MBNL2: variants seen among roughly 807,000 people sequenced by gnomAD.
The protein encoded by MBNL2 is muscleblind-like protein 2.
Under a neutral mutation model 41.9 loss-of-function variants are expected in MBNL2, and 17 were observed. The ratio of observed to expected loss-of-function variants is 0.41; its 90% CI spans 0.28 to 0.61. The LOEUF is 0.61. MBNL2 is among the 20% of genes least tolerant of loss of function. The pLI, the probability that MBNL2 is intolerant of heterozygous loss-of-function variation, is 0.35. For missense variants in MBNL2, 336 were observed against 505.6 expected (o/e 0.66, Z 3.22); for synonymous variants, 195 against 182.9 (o/e 1.07, Z -0.53).
the MBNL2 span, among the ~76,000 whole-genome samples, chr13:97,197,710 T>A: frequency 6.6e-6 from 1 of 152,230 alleles, no homozygotes; most frequent in Non-Finnish European, 1.5e-5. Flanking sequence ...ATTCCTCTAA[T>A]TTTTATTTTC....
At chr13:97,367,537 C>T (rs2063954646) in intron 8 of MBNL2, among the ~76,000 whole-genome samples, 1 of 152,184 alleles carries the variant, frequency 6.6e-6, no homozygotes, top group Non-Finnish European at 1.5e-5. Context: ...CAGTCCCAAC[C>T]CGCATTCTGC....
chr13:97,334,231 G>T lies in MBNL2; in HGVS notation c.175-45G>T, dbSNP rs111635701. 1.6e-5 allele frequency: 25 copies of T among 1,516,542 alleles called. 1 individual carries two copies. The Admixed American group carries it at 2.1e-4, about 13-fold the overall frequency. 93.9% of individuals were successfully genotyped at this position (1,516,542 alleles called of 1,614,324 possible). On this transcript the variant is annotated intron_variant, in intron 2 of 8. Transcript: ENST00000679496. This position sits in a 1 kb window ranked among gnomAD's most constrained non-coding sequence, Gnocchi z 5.3. ...TTGTTCAGTGGTTGACTTTGGAGTT[G>T]CAAGCTACTTAAAATAGTCCTAAAA...
At chr13:97,374,141 C>CTT (rs2064716276) in intron 8 of MBNL2, among the ~76,000 whole-genome samples, 1 of 122,508 alleles carries the variant, frequency 8.2e-6, no homozygotes. Flanking sequence ...ATGGTGCAAT[C>CTT]TTTTTATTTT....
At chr13:97,365,656 A>G (rs1594272486) in intron 8 of MBNL2, among the ~76,000 whole-genome samples, 1 of 152,290 alleles carries the variant, frequency 6.6e-6, no homozygotes, top group Non-Finnish European at 1.5e-5. Flanking sequence ...TAACTTAATT[A>G]TCTTTTCTAA....
In MBNL2 at chr13:97,334,234, A is replaced by G. The variant is rs186563929; in HGVS notation, c.175-42A>G. 2.6e-6 allele frequency: 4 copies of G among 1,532,146 alleles called. No homozygotes were observed. The Admixed American group carries it at 7.7e-5, about 29-fold the overall frequency. The allele number at this position is 1,532,146 out of a possible 1,614,324, so 94.9% of individuals were successfully genotyped here. On this transcript the variant is annotated intron_variant, in intron 2 of 8. Coordinates refer to ENST00000679496, the MANE Select transcript of MBNL2 (RefSeq NM_001382683.1). The surrounding 1 kb of genome is among the most constrained non-coding windows in gnomAD (Gnocchi z 5.3). The stretch of plus-strand genomic sequence containing the variant: ...TTCAGTGGTTGACTTTGGAGTTGCA[A>G]GCTACTTAAAATAGTCCTAAAACCA...
At chr13:97,230,883 C>T (rs985897309) in intron 1 of MBNL2, among the ~76,000 whole-genome samples, 1 of 152,168 alleles carries the variant, frequency 6.6e-6, no homozygotes. Flanking sequence ...GTTAAGGGAA[C>T]CTTTGTAGCT....
chr13:97,315,496 T>C (rs2058962708), intron 2 of MBNL2, among the ~76,000 whole-genome samples: 1 of 152,176 alleles, frequency 6.6e-6, no homozygotes, highest in Non-Finnish European at 1.5e-5. Context: ...TAATGGTTAA[T>C]AGCAGGCATT....
chr13:97,295,299 T>C (rs555439194), intron 2 of MBNL2, among the ~76,000 whole-genome samples: 2 of 152,094 alleles, frequency 1.3e-5, no homozygotes, highest in Admixed American at 1.3e-4. Flanking sequence ...ACACCTGGGA[T>C]TAGTCTTCAG....
chr13:97,284,971 C>T lies in MBNL2; in HGVS notation c.174+8562C>T, dbSNP rs149397414. Among the ~76,000 whole-genome samples, 49 of 152,094 alleles carry T rather than the reference C, an allele frequency of 3.2e-4. No homozygotes were observed. In the East Asian group the frequency reaches 9.1e-3, roughly 28 times the overall value. On this transcript the variant is annotated intron_variant, in intron 2 of 8. Transcript: ENST00000679496. Reference sequence around the variant, plus strand: ...GGCAGTGATGCTAACTTTTGTTAGTCGGTGTATCAGTTCTTATGAAACCAT... The same window carrying T: ...GGCAGTGATGCTAACTTTTGTTAGTTGGTGTATCAGTTCTTATGAAACCAT...
chr13:97,183,465 C>A, the MBNL2 span, among the ~76,000 whole-genome samples: 1 of 152,182 alleles, frequency 6.6e-6, no homozygotes, highest in Admixed American at 6.5e-5. Flanking sequence ...TTCTCATCAT[C>A]CTACTGATCT....
chr13:97,159,730 T>C, the MBNL2 span, among the ~76,000 whole-genome samples: 1 of 151,550 alleles, frequency 6.6e-6, no homozygotes, highest in African/African-American at 2.4e-5. Context: ...TGGCCCCCAC[T>C]CTCTTCTGGC....
chr13:97,346,785 C>G lies in MBNL2; in HGVS notation c.541-19C>G, dbSNP rs373247922. On this transcript the variant is annotated intron_variant, in intron 4 of 8. Transcript: ENST00000679496. The surrounding 1 kb of genome is among the most constrained non-coding windows in gnomAD (Gnocchi z 4.2). ...GCTCAGGCTTGCCTCTGCAGCGCGG[C>G]TCTTCTTCCCTGTCTTAGGTATGCA... 1.2e-6 allele frequency: 2 copies of G among 1,611,620 alleles called. No homozygotes were observed. The highest frequency in any genetic ancestry group is 2.2e-5 in the East Asian group (1 of 44,842).
chr13:97,313,235 G>T (rs927527508), intron 2 of MBNL2, among the ~76,000 whole-genome samples: 1 of 152,160 alleles, frequency 6.6e-6, no homozygotes, highest in African/African-American at 2.4e-5. Flanking sequence ...ATAAAGGCAG[G>T]TCCAAGGTGT....
chr13:97,158,654 C>A, the MBNL2 span, among the ~76,000 whole-genome samples: 1 of 151,710 alleles, frequency 6.6e-6, no homozygotes, highest in African/African-American at 2.4e-5. Context: ...TCGTTATGTA[C>A]CCAGTAGTCA....
At chr13:97,385,927 C>T (rs1242615282) in intron 8 of MBNL2, among the ~76,000 whole-genome samples, 1 of 152,216 alleles carries the variant, frequency 6.6e-6, no homozygotes, top group Non-Finnish European at 1.5e-5. Flanking sequence ...AAGTGTGTTT[C>T]TCACCCTGTT....
At chr13:97,323,289 A>C (rs912762692) in intron 2 of MBNL2, among the ~76,000 whole-genome samples, 2 of 152,242 alleles carry the variant, frequency 1.3e-5, no homozygotes, top group Admixed American at 6.5e-5. Context: ...TATTTCAAAA[A>C]TTGACTAGCT....
At chr13:97,310,572 G>C (rs1441981200) in intron 2 of MBNL2, among the ~76,000 whole-genome samples, 2 of 151,854 alleles carry the variant, frequency 1.3e-5, no homozygotes, top group Non-Finnish European at 2.9e-5. Context: ...TGGGACTACA[G>C]GCACCCGCCA....
intron 7 of MBNL2, chr13:97,362,822 A>G (rs894722930): frequency 3.3e-5 from 5 of 152,424 alleles, no homozygotes; most frequent in African/African-American, 9.6e-5. Context: ...AGGACTTCAG[A>G]TGTGGCAGTA....
intron 8 of MBNL2, among the ~76,000 whole-genome samples, chr13:97,381,398 T>C (rs763882126): frequency 6.6e-6 from 1 of 152,180 alleles, no homozygotes; most frequent in African/African-American, 2.4e-5. Flanking sequence ...ACTGTTAAAA[T>C]GGGTACTGTG....
Sources: allele counts gnomAD v4.1 joint callset (sites outside exome capture counted in the v4.1 genomes callset), GRCh38; gene constraint gnomAD v4.1.1; non-coding constraint Gnocchi (gnomAD v3.1); transcripts MANE v1.5; gene names NCBI Gene and HGNC (gene_info 2026-07-23, HGNC 2026-07-21).